EWSR1: variants seen among roughly 807,000 people sequenced by gnomAD.
EWSR1 encodes RNA-binding protein EWS.
A neutral mutation model predicts 92.1 loss-of-function variants in EWSR1; 14 were observed. The ratio of observed to expected loss-of-function variants is 0.15; its 90% CI spans 0.10 to 0.24. EWSR1 has a LOEUF of 0.24. Ranked by LOEUF, EWSR1 falls within the 10% of genes least tolerant of loss-of-function variation. The pLI is 1.00. For missense variants in EWSR1, 637 were observed against 870.9 expected (o/e 0.73, Z 3.38); for synonymous variants, 303 against 292.9 (o/e 1.03, Z -0.35).
In EWSR1 at chr22:29,299,027, AGTCAGCCATT is replaced by A. The variant is rs930446877; in HGVS notation, c.1580+133_1580+142del. ...ACCCTGATGGCTGGTTAGGGACACT[AGTCAGCCATT>A]CACTGGACGCTTCAGAGCCTTCTGA... On this transcript the variant is annotated intron_variant, in intron 14 of 16. Transcript: ENST00000397938. 1.3e-5 allele frequency: 17 copies of A among 1,314,822 alleles called. No homozygotes were observed. The African/African-American group carries it at 1.8e-4, about 14-fold the overall frequency. 81.4% of individuals were successfully genotyped at this position (1,314,822 alleles called of 1,614,324 possible). A position where few individuals can be genotyped will look rare whatever the true frequency, so the allele number is the denominator to read the frequency against.
intron 4 of EWSR1, chr22:29,275,502 A>G (rs1223242883): frequency 4.5e-6 from 1 of 219,804 alleles, no homozygotes; most frequent in Non-Finnish European, 9.1e-6. Flanking sequence ...CACAGTTTAT[A>G]GAGTGGCCTT....
At chr22:29,290,340 G>A in intron 8 of EWSR1, 6 of 1,470,930 alleles carry the variant, frequency 4.1e-6, no homozygotes, top group Non-Finnish European at 5.6e-6. Flanking sequence ...CATTGCCTCA[G>A]TATTTTGATA....
rs553777419 is a variant in EWSR1 at position 29,287,983 on chromosome 22, C to T, written c.794-623C>T. On this transcript the variant is annotated intron_variant, in intron 7 of 16. Transcript: ENST00000397938. ...CTTGAGACCAGGAGTTTGAGACCAC[C>T]CTGGGCAACATAGTGAGACCCTGTC... 5.3e-5 allele frequency among the ~76,000 whole-genome samples: 8 copies of T among 152,162 alleles called. No individual in the cohort carries two copies. In the East Asian group the frequency reaches 1.4e-3, roughly 26 times the overall value.
At chr22:29,291,476 C>T in intron 8 of EWSR1, 86 bp from the exon 9 acceptor site, 1 of 1,319,268 alleles carries the variant, frequency 7.6e-7, no homozygotes, top group South Asian at 1.3e-5. Flanking sequence ...TAGCCAGTGC[C>T]CTTCTTCCCC....
At chr22:29,292,281 G>C in intron 10 of EWSR1, 112 bp downstream of exon 10, 1 of 1,209,062 alleles carries the variant, frequency 8.3e-7, no homozygotes, top group Middle Eastern at 1.9e-4. Flanking sequence ...TATTCTTGCT[G>C]TCAAGGACAG....
intron 13 of EWSR1, 56 bp downstream of exon 13, chr22:29,298,005 C>T: frequency 6.5e-7 from 1 of 1,528,040 alleles, no homozygotes; most frequent in Non-Finnish European, 8.8e-7. Flanking sequence ...ACTTCATACC[C>T]TTGAGAAACT....
At chr22:29,297,246 G>A (rs2060933528) in intron 12 of EWSR1, among the ~76,000 whole-genome samples, 1 of 152,106 alleles carries the variant, frequency 6.6e-6, no homozygotes, top group African/African-American at 2.4e-5. Flanking sequence ...CACCTCCCAG[G>A]TTCAAGCCAA....
intron 1 of EWSR1, among the ~76,000 whole-genome samples, chr22:29,270,623 T>G (rs2058596422): frequency 6.6e-6 from 1 of 152,254 alleles, no homozygotes; most frequent in South Asian, 2.1e-4. Flanking sequence ...ATATCAGCTT[T>G]GCCAGTTTGA....
intron 6 of EWSR1, among the ~76,000 whole-genome samples, chr22:29,284,085 C>T (rs1049817465): frequency 1.3e-5 from 2 of 151,302 alleles, no homozygotes; most frequent in Non-Finnish European, 2.9e-5. Context: ...CCGCCTGCCT[C>T]GGCCTCCCAA....
At chr22:29,292,192 C>CT (rs1274685071) in intron 10 of EWSR1, 23 bp downstream of exon 10, 5 of 1,611,390 alleles carry the variant, frequency 3.1e-6, no homozygotes, top group Non-Finnish European at 4.2e-6. Flanking sequence ...TCTAGTTGTG[C>CT]TTCATATCGT....
chr22:29,295,379 G>A (rs1420539833), intron 11 of EWSR1: 4 of 213,280 alleles, frequency 1.9e-5, no homozygotes, highest in Non-Finnish European at 3.8e-5. Flanking sequence ...AGCACTTTGG[G>A]AGGCCAAGGC....
intron 4 of EWSR1, chr22:29,277,252 C>T (rs1005759268): frequency 5.3e-5 from 12 of 226,748 alleles, no homozygotes; most frequent in Non-Finnish European, 1.1e-4. Flanking sequence ...AGGAAAAAGG[C>T]CTTTTGCTTG....
chr22:29,288,883 G>A, intron 8 of EWSR1, 97 bp downstream of exon 8: 1 of 1,172,014 alleles, frequency 8.5e-7, no homozygotes, highest in Non-Finnish European at 1.2e-6. Flanking sequence ...ATTAATTTCT[G>A]CATTTCCATG....
chr22:29,297,986 T>C, intron 13 of EWSR1, 37 bp downstream of exon 13: 1 of 1,594,804 alleles, frequency 6.3e-7, no homozygotes, highest in Non-Finnish European at 8.5e-7. Context: ...ATTAAAAGGT[T>C]TTCAGTACAC....
intron 14 of EWSR1, 25 bp downstream of exon 14, chr22:29,298,920 A>T (rs778583104): frequency 1.6e-5 from 25 of 1,524,006 alleles, no homozygotes. Context: ...TGGCAAATTG[A>T]TACCCTACGA....
intron 7 of EWSR1, 108 bp from the exon 8 acceptor site, chr22:29,288,498 G>T (rs915924820): frequency 1.9e-6 from 2 of 1,046,558 alleles, no homozygotes; most frequent in South Asian, 1.8e-5. Flanking sequence ...AGAAGATGGT[G>T]CCTTGGTTAG....
intron 8 of EWSR1, chr22:29,290,680 TTAAAG>T: frequency 7.3e-7 from 1 of 1,364,982 alleles, no homozygotes; most frequent in Non-Finnish European, 9.5e-7. Context: ...ACTTTTGTGT[TTAAAG>T]AGAGAGAACA....
rs758846327 is a variant in EWSR1, at chr22:29,268,368, C to T, written c.13+19C>T. The T allele has an allele frequency of 6.2e-6, 10 of 1,613,880 alleles. No homozygotes were observed. Among genetic ancestry groups the T allele is most frequent in the Non-Finnish European group, 7.6e-6 (9 of 1,179,908 alleles). ...TCCACGGGTGAGTATGGTGGAACTG[C>T]GGTCGCGCCGGCGGTAGCCGGAACG... On this transcript the variant is annotated intron_variant, in intron 1 of 16. Coordinates refer to ENST00000397938, the MANE Select transcript of EWSR1 (RefSeq NM_005243.4).
At chr22:29,296,438 A>G (rs1277876302) in intron 12 of EWSR1, 70 bp downstream of exon 12, 30 of 1,577,168 alleles carry the variant, frequency 1.9e-5, no homozygotes, top group Non-Finnish European at 2.4e-5. Flanking sequence ...AAACTTGTGA[A>G]CCATAGGAGC....
Sources: gnomAD v4.1 joint callset for allele counts (sites outside exome capture counted in the v4.1 genomes callset) on GRCh38, gnomAD v4.1.1 for gene constraint, MANE v1.5 for transcripts, NCBI Gene and HGNC (gene_info 2026-07-23, HGNC 2026-07-21) for gene names.